ZBBX: variants seen among roughly 807,000 people sequenced by gnomAD.
The protein encoded by ZBBX is zinc finger B-box domain-containing protein 1.
A neutral mutation model predicts 108.5 loss-of-function variants in ZBBX; 101 were observed. The ratio of observed to expected loss-of-function variants is 0.93; its 90% CI spans 0.79 to 1.10. The LOEUF is 1.10. Ranked by LOEUF, ZBBX falls within the 50% of genes least tolerant of loss-of-function variation. The pLI is 0.00. For synonymous variants in ZBBX, 356 were observed against 323.4 expected, an observed-to-expected ratio of 1.10 and a Z score of -1.08; for missense variants, 1,009 against 941.4, an observed-to-expected ratio of 1.07 and a Z score of -0.94.
intron 4 of ZBBX, among the ~76,000 whole-genome samples, chr3:167,369,365 T>A (rs1358208062): frequency 1.3e-5 from 2 of 152,132 alleles, no homozygotes; most frequent in Non-Finnish European, 2.9e-5. Flanking sequence ...TGGAACAAAA[T>A]CAAGGCATAA....
chr3:167,335,937 T>C (rs180807378), intron 9 of ZBBX, among the ~76,000 whole-genome samples: 8 of 152,046 alleles, frequency 5.3e-5, no homozygotes, highest in Non-Finnish European at 1.0e-4. Context: ...TCAATGGTAA[T>C]GCTTCACTCT....
chr3:167,327,851 T>C, intron 11 of ZBBX, 91 bp downstream of exon 11: 15 of 1,255,900 alleles, frequency 1.2e-5, no homozygotes, highest in Non-Finnish European at 1.5e-5. Flanking sequence ...AAGGTGGAGG[T>C]TGCAGTAAGC....
chr3:167,243,609 G>A (rs1721060930), intron 20 of ZBBX, among the ~76,000 whole-genome samples: 1 of 151,986 alleles, frequency 6.6e-6, no homozygotes, highest in Non-Finnish European at 1.5e-5. Flanking sequence ...TGTTGGTCAG[G>A]CTGCTCTTGA....
At position 167,368,502 on chromosome 3, in the gene ZBBX, T is replaced by G; in HGVS notation, c.141A>C (p.Gln47His). ...CTTTGTTTCTTGTGGATCGGAATTCTTGCAGTTTCTTCTCCATCTCTTGGT... is the reference window on the plus strand; with the variant it reads ...CTTTGTTTCTTGTGGATCGGAATTCGTGCAGTTTCTTCTCCATCTCTTGGT... Reference protein sequence around the residue: ...FENQEMEKKLQEFRSTRNKEK... With the variant: ...FENQEMEKKLHEFRSTRNKEK... Residue 47 changes from glutamine (Q) to histidine (H), a missense_variant, in exon 5 of 22, where the codon CAA (glutamine) becomes CAC (histidine). Transcript: ENST00000675490. 1 of 1,612,540 alleles carries G rather than the reference T, an allele frequency of 6.2e-7. No individual in the cohort carries two copies. Among genetic ancestry groups the G allele is most frequent in the South Asian group, 1.1e-5 (1 of 90,998 alleles).
At chr3:167,204,665 A>C in the ZBBX span, among the ~76,000 whole-genome samples, 112 of 150,130 alleles carry the variant, frequency 7.5e-4, no homozygotes, top group African/African-American at 2.6e-3. Context: ...GGTTGGTTCC[A>C]AGTCTTTGCT....
chr3:167,191,480 G>T, the ZBBX span, among the ~76,000 whole-genome samples: 2,028 of 152,236 alleles, frequency 0.013, 22 homozygotes, highest in South Asian at 0.026. Context: ...TAAATTATGA[G>T]AATGTTTGTT....
At chr3:167,234,118 A>C in the ZBBX span, among the ~76,000 whole-genome samples, 1 of 151,840 alleles carries the variant, frequency 6.6e-6, no homozygotes, top group Admixed American at 6.6e-5. Flanking sequence ...ACGGAGTTTA[A>C]AAGATTTAAA....
chr3:167,396,149 G>C (rs1748229839), intron 1 of ZBBX, among the ~76,000 whole-genome samples: 1 of 152,008 alleles, frequency 6.6e-6, no homozygotes, highest in Non-Finnish European at 1.5e-5. Flanking sequence ...TATGCTGACT[G>C]TATGTTTGTT....
chr3:167,180,534 GAAT>G, the ZBBX span, among the ~76,000 whole-genome samples: 1 of 152,252 alleles, frequency 6.6e-6, no homozygotes, highest in Admixed American at 6.5e-5. Flanking sequence ...CATAACATTG[GAAT>G]AATATTTCTT....
At chr3:167,202,070 G>T in the ZBBX span, among the ~76,000 whole-genome samples, 2 of 152,076 alleles carry the variant, frequency 1.3e-5, no homozygotes, top group Non-Finnish European at 2.9e-5. Flanking sequence ...GATGGGTAGA[G>T]TAGGGGCTAC....
intron 9 of ZBBX, among the ~76,000 whole-genome samples, chr3:167,336,268 C>CCT (rs1739535509): frequency 6.6e-6 from 1 of 151,862 alleles, no homozygotes; most frequent in Admixed American, 6.6e-5. Context: ...GAAAAACCCA[C>CCT]ATTTTTTATG....
intron 17 of ZBBX, among the ~76,000 whole-genome samples, chr3:167,299,957 C>A (rs1368662617): frequency 6.6e-6 from 1 of 152,112 alleles, no homozygotes; most frequent in African/African-American, 2.4e-5. Context: ...CTGCTTTTCA[C>A]CTTTTGTTTT....
At chr3:167,288,475 T>C (rs1275122721) in intron 19 of ZBBX, among the ~76,000 whole-genome samples, 2 of 152,164 alleles carry the variant, frequency 1.3e-5, no homozygotes, top group African/African-American at 2.4e-5. Flanking sequence ...ATTTCACATA[T>C]GGCTCTGTCT....
chr3:167,329,076 T>C (rs1737924138), intron 10 of ZBBX, among the ~76,000 whole-genome samples: 1 of 152,232 alleles, frequency 6.6e-6, no homozygotes, highest in Admixed American at 6.5e-5. Context: ...AGTTCATCGA[T>C]GCATGTAATA....
intron 20 of ZBBX, 55 bp downstream of exon 20, chr3:167,282,183 G>A (rs55855168): frequency 5.3e-6 from 8 of 1,512,438 alleles, no homozygotes; most frequent in Admixed American, 2.1e-5. Flanking sequence ...TGAAGAATCC[G>A]GCTGAGGGCA....
At chr3:167,249,306 C>A (rs1005093113) in intron 20 of ZBBX, among the ~76,000 whole-genome samples, 3 of 152,196 alleles carry the variant, frequency 2.0e-5, no homozygotes, top group African/African-American at 7.2e-5. Flanking sequence ...GCAAGGCAAT[C>A]CAGACCTTTG....
chr3:167,269,647 G>C (rs149858564), intron 20 of ZBBX, among the ~76,000 whole-genome samples: 28 of 152,290 alleles, frequency 1.8e-4, no homozygotes, highest in African/African-American at 6.7e-4. Context: ...ATAATTGAAA[G>C]TGTCATGAAA....
intron 11 of ZBBX, among the ~76,000 whole-genome samples, chr3:167,323,252 A>AGGG (rs1736792592): frequency 8.7e-6 from 1 of 115,080 alleles, no homozygotes; most frequent in African/African-American, 2.9e-5. Context: ...GGGGGGGGGA[A>AGGG]AGAACTCTTT....
intron 18 of ZBBX, among the ~76,000 whole-genome samples, chr3:167,291,162 A>G (rs1730627772): frequency 6.6e-6 from 1 of 152,132 alleles, no homozygotes; most frequent in Admixed American, 6.5e-5. Context: ...AACTTCCCCA[A>G]CCTACCAAGA....
Sources: allele counts gnomAD v4.1 joint callset (sites outside exome capture counted in the v4.1 genomes callset), GRCh38; gene constraint gnomAD v4.1.1; transcripts MANE v1.5; gene names NCBI Gene and HGNC (gene_info 2026-07-23, HGNC 2026-07-21).